IL7: variants seen among roughly 807,000 people sequenced by gnomAD.
IL7 encodes the protein interleukin-7.
IL7 carries 3 observed loss-of-function variants against 21.6 expected under a neutral mutation model. That is an observed-to-expected ratio of 0.14 (90% CI 0.06 to 0.36). The LOEUF (loss-of-function observed/expected upper bound fraction) is 0.36, where lower values mean the gene tolerates loss of function less well. IL7 is among the 10% of genes least tolerant of loss of function. The pLI is 1.00. For synonymous variants in IL7, 62 were observed against 68.1 expected (o/e 0.91, Z 0.44); for missense variants, 175 against 200.2 (o/e 0.87, Z 0.76).
chr8:78,800,929 G>A (rs185408780), intron 1 of IL7, among the ~76,000 whole-genome samples: 2 of 152,188 alleles, frequency 1.3e-5, no homozygotes, highest in African/African-American at 4.8e-5. Context: ...TGTTTTACTT[G>A]CTATGAGCAT....
At chr8:78,690,019 G>T (rs1810155759) in intron 3 of IL7, among the ~76,000 whole-genome samples, 2 of 152,046 alleles carry the variant, frequency 1.3e-5, no homozygotes, top group Non-Finnish European at 2.9e-5. Context: ...TTTTCTATGT[G>T]GATATTCTAT....
At chr8:78,719,960 G>A (rs907324917) in intron 5 of IL7, among the ~76,000 whole-genome samples, 4 of 151,706 alleles carry the variant, frequency 2.6e-5, no homozygotes, top group Admixed American at 2.6e-4. Flanking sequence ...TGACATCAAA[G>A]TATTAGAAAT....
chr8:78,701,942 G>A (rs1472444364), intron 3 of IL7, among the ~76,000 whole-genome samples: 2 of 152,008 alleles, frequency 1.3e-5, no homozygotes, highest in Non-Finnish European at 2.9e-5. Context: ...TTCCTTTTTT[G>A]TTGTGTCTCT....
intron 3 of IL7, among the ~76,000 whole-genome samples, chr8:78,711,565 G>A (rs1248592678): frequency 2.0e-5 from 3 of 151,704 alleles, no homozygotes; most frequent in African/African-American, 7.3e-5. Context: ...CCTTATTTTT[G>A]GAATTTTAAA....
intron 3 of IL7, 34 bp from the exon 4 acceptor site, chr8:78,738,669 C>G (rs575780633): frequency 1.9e-6 from 3 of 1,590,280 alleles, no homozygotes; most frequent in Non-Finnish European, 2.6e-6. Context: ...GGCCATGGTT[C>G]AAATAAAATA....
chr8:78,803,185 G>A (rs894054112), intron 1 of IL7, among the ~76,000 whole-genome samples: 3 of 152,082 alleles, frequency 2.0e-5, no homozygotes, highest in Non-Finnish European at 4.4e-5. Flanking sequence ...TATTTTTTGA[G>A]ACAGGGCATC....
chr8:78,798,359 T>C, intron 1 of IL7, 151 bp from the exon 2 acceptor site: 1 of 573,008 alleles, frequency 1.7e-6, no homozygotes, highest in Non-Finnish European at 3.0e-6. Flanking sequence ...AAAGTTGAAC[T>C]TATGTAACAA....
chr8:78,781,301 C>T (rs959576359), intron 2 of IL7, among the ~76,000 whole-genome samples: 4 of 152,150 alleles, frequency 2.6e-5, no homozygotes, highest in African/African-American at 4.8e-5. Context: ...GATGTAGTTG[C>T]TTCATAGTAT....
chr8:78,696,673 C>T (rs78177233), intron 3 of IL7, among the ~76,000 whole-genome samples: 5 of 152,078 alleles, frequency 3.3e-5, no homozygotes, highest in East Asian at 3.9e-4. Context: ...ATGCATACTC[C>T]ATTAATTTAA....
chr8:78,762,443 C>A (rs1812600329), intron 2 of IL7: 12 of 1,576,700 alleles, frequency 7.6e-6, no homozygotes, highest in East Asian at 2.4e-5. Flanking sequence ...GTCGCCCGCC[C>A]GCCGGCCGGT....
At chr8:78,759,141 G>T (rs1586076791) in intron 2 of IL7, among the ~76,000 whole-genome samples, 1 of 121,170 alleles carries the variant, frequency 8.3e-6, no homozygotes, top group African/African-American at 3.3e-5. Context: ...TTAGTCTATT[G>T]TTGAACTCTT....
chr8:78,802,202 T>C (rs936474709), intron 1 of IL7, among the ~76,000 whole-genome samples: 4 of 152,088 alleles, frequency 2.6e-5, no homozygotes, highest in African/African-American at 9.7e-5. Flanking sequence ...GTTATGGGGG[T>C]CAAAGTTAAC....
chr8:78,704,274 G>A (rs1014242100), intron 3 of IL7, among the ~76,000 whole-genome samples: 1 of 151,500 alleles, frequency 6.6e-6, no homozygotes, highest in African/African-American at 2.4e-5. Context: ...TGTAGTCCCA[G>A]CTACTTGGGA....
intron 5 of IL7, chr8:78,720,914 A>G (rs2717538): frequency 0.69 from 103,820 of 151,548 alleles, 36,406 homozygotes; most frequent in East Asian, 0.91. Flanking sequence ...CGTCTATTCT[A>G]ATTTAACATT....
At chr8:78,720,345 C>T (rs72661342) in intron 5 of IL7, among the ~76,000 whole-genome samples, 7,743 of 151,476 alleles carry the variant, frequency 0.051, 275 homozygotes, top group Middle Eastern at 0.082. Flanking sequence ...TATTGAGGTA[C>T]GTTGATTTTT....
rs1316903499 is a variant in IL7, at chr8:78,804,927, T to G, written c.-5A>C. ...AGAGCGCTTACCATGGAACATGGTCTGCGGGAGGCGGGCGTAGTCATGATG... is the reference window on the plus strand; with the variant it reads ...AGAGCGCTTACCATGGAACATGGTCGGCGGGAGGCGGGCGTAGTCATGATG... On this transcript the variant is annotated 5_prime_UTR_variant, in exon 1 of 6. Coordinates refer to ENST00000263851, the MANE Select transcript of IL7 (RefSeq NM_000880.4). The G allele has an allele frequency of 6.2e-7, 1 of 1,612,320 alleles. No homozygotes were observed.
Position 78,724,326 on chromosome 8 carries a change from G to C in IL7, n.268-2886C>G, listed in dbSNP as rs571787514. On this transcript the variant is annotated intron_variant and non_coding_transcript_variant, in intron 3 of 6. Coordinates refer to the IL7 transcript ENST00000519833. ...AGGTATGTTGCCATGCTATTGTTGG[G>C]CTTGGGTGAATATATATTTACATTT... Among the ~76,000 whole-genome samples, 7 of 152,068 alleles carry C rather than the reference G, an allele frequency of 4.6e-5. No individual in the cohort carries two copies. The South Asian group carries it at 1.5e-3, about 32-fold the overall frequency.
At chr8:78,798,869 G>A (rs918686817) in intron 1 of IL7, among the ~76,000 whole-genome samples, 9 of 151,906 alleles carry the variant, frequency 5.9e-5, no homozygotes, top group African/African-American at 1.7e-4. Context: ...CAAACACAGC[G>A]CTATCCAGCT....
At chr8:78,730,671 G>T (rs1234548752), downstream of IL7, among the ~76,000 whole-genome samples, 1 of 151,976 alleles carries the variant, frequency 6.6e-6, no homozygotes, top group African/African-American at 2.4e-5. Context: ...GCACAATGCA[G>T]TTCCTGTAGA....
Sources: allele counts gnomAD v4.1 joint callset (sites outside exome capture counted in the v4.1 genomes callset), GRCh38; gene constraint gnomAD v4.1.1; transcripts MANE v1.5; gene names NCBI Gene and HGNC (gene_info 2026-07-23, HGNC 2026-07-21).